The following NLN variants were observed in gnomAD, a reference collection of about 807,000 sequenced individuals.
NLN encodes neurolysin, mitochondrial.
Under a neutral mutation model 79.9 loss-of-function variants are expected in NLN, and 64 were observed. The observed-to-expected ratio is 0.80, with a 90% CI of 0.65 to 0.99. The LOEUF is 0.99. NLN is among the 50% of genes least tolerant of loss of function. NLN has a pLI of 0.00. For synonymous variants in NLN, 267 were observed against 296.6 expected, an observed-to-expected ratio of 0.90 and a Z score of 1.02; for missense variants, 835 against 858.7, an observed-to-expected ratio of 0.97 and a Z score of 0.34.
At position 65,823,208 on chromosome 5, in the gene NLN, A is replaced by G. The variant is rs536326630; in HGVS notation, c.*293A>G. ...TTGATTTTTTACTATTATAATCTAG[A>G]TAATATGATATAAGAGGGCTAAGAA... On this transcript the variant is annotated 3_prime_UTR_variant, in exon 13 of 13. Coordinates refer to ENST00000380985, the MANE Select transcript of NLN (RefSeq NM_020726.5). The G allele has an allele frequency of 3.8e-6, 1 of 259,896 alleles. No homozygotes were observed. Among genetic ancestry groups the G allele is most frequent in the African/African-American group, 2.3e-5 (1 of 44,182 alleles). The allele number at this position is 259,896 out of a possible 1,614,324, so 16.1% of individuals were successfully genotyped here.
chr5:65,766,399 G>A (rs919846381), intron 3 of NLN, among the ~76,000 whole-genome samples: 2 of 152,168 alleles, frequency 1.3e-5, no homozygotes, highest in Non-Finnish European at 2.9e-5. Context: ...GGAAGCACCA[G>A]ACACTTATCA....
chr5:65,817,708 T>C lies in NLN; in HGVS notation c.1981-5073T>C, dbSNP rs568070225. Among the ~76,000 whole-genome samples the C allele has an allele frequency of 1.6e-3, 245 of 152,294 alleles. 1 individual carries two copies. Among genetic ancestry groups the C allele is most frequent in the Non-Finnish European group, 3.0e-3 (201 of 68,026 alleles). ...TACTGAGAAATTCAAGAGAGTTAAGTGTAACTATATTTCAGTCTGTAATGC... is the reference window on the plus strand; with the variant it reads ...TACTGAGAAATTCAAGAGAGTTAAGCGTAACTATATTTCAGTCTGTAATGC... On this transcript the variant is annotated intron_variant, in intron 12 of 12. Coordinates refer to ENST00000380985, the MANE Select transcript of NLN (RefSeq NM_020726.5).
chr5:65,770,644 A>G (rs958530694), intron 3 of NLN, among the ~76,000 whole-genome samples: 2 of 152,180 alleles, frequency 1.3e-5, no homozygotes, highest in African/African-American at 4.8e-5. Context: ...CATTCTCCAC[A>G]ACCTAGCACA....
chr5:65,728,317 A>G (rs1452740745), intron 1 of NLN, among the ~76,000 whole-genome samples: 2 of 152,166 alleles, frequency 1.3e-5, no homozygotes, highest in African/African-American at 4.8e-5. Flanking sequence ...TAGCTATAAT[A>G]TATTCCTTTT....
At chr5:65,754,398 G>T (rs1759173402) in intron 1 of NLN, among the ~76,000 whole-genome samples, 1 of 152,128 alleles carries the variant, frequency 6.6e-6, no homozygotes, top group South Asian at 2.1e-4. Flanking sequence ...CTGAGGGTAG[G>T]GACAGCTACC....
rs1457636656 is a variant in NLN at position 65,823,266 on chromosome 5, T to G, written c.*351T>G. On this transcript the variant is annotated 3_prime_UTR_variant, in exon 13 of 13. Transcript: ENST00000380985. Reference sequence around the variant, plus strand: ...ATTGAATCATATATATGATATAATTTGATCCTTCTTGTATCTTGAAGTTTT... The same window carrying G: ...ATTGAATCATATATATGATATAATTGGATCCTTCTTGTATCTTGAAGTTTT... 5.9e-6 allele frequency: 1 copy of G among 170,218 alleles called. No individual in the cohort carries two copies. The highest frequency in any genetic ancestry group is 2.4e-5 in the African/African-American group (1 of 41,722). 10.5% of individuals were successfully genotyped at this position (170,218 alleles called of 1,614,324 possible). A position where few individuals can be genotyped will look rare whatever the true frequency, so the allele number is the denominator to read the frequency against.
intron 9 of NLN, among the ~76,000 whole-genome samples, chr5:65,807,110 GAGGTTAC>G (rs905391152): frequency 6.0e-5 from 9 of 151,208 alleles, no homozygotes; most frequent in African/African-American, 2.2e-4. Context: ...CCGGGAGGCA[GAGGTTAC>G]AGTGAGCTGA....
At chr5:65,782,220 G>GAGTAAAA (rs1759816133) in intron 6 of NLN, among the ~76,000 whole-genome samples, 1 of 152,112 alleles carries the variant, frequency 6.6e-6, no homozygotes, top group African/African-American at 2.4e-5. Context: ...CCCCAGTTTT[G>GAGTAAAA]CCCACAGGGA....
intron 4 of NLN, among the ~76,000 whole-genome samples, chr5:65,779,259 C>T (rs1164720854): frequency 6.6e-6 from 1 of 152,112 alleles, no homozygotes; most frequent in African/African-American, 2.4e-5. Context: ...TAACAACTTC[C>T]CTGGTGATGC....
At chr5:65,755,241 T>G (rs929062714) in intron 1 of NLN, among the ~76,000 whole-genome samples, 1 of 152,216 alleles carries the variant, frequency 6.6e-6, no homozygotes, top group Non-Finnish European at 1.5e-5. Flanking sequence ...ATAAATTTCT[T>G]ACATATTTTG....
intron 1 of NLN, among the ~76,000 whole-genome samples, chr5:65,737,380 C>G (rs969634355): frequency 6.6e-6 from 1 of 152,126 alleles, no homozygotes; most frequent in African/African-American, 2.4e-5. Context: ...CCCCCTGAAT[C>G]CTGTATTAAT....
At chr5:65,794,635 T>C (rs574532923) in intron 9 of NLN, among the ~76,000 whole-genome samples, 1 of 151,964 alleles carries the variant, frequency 6.6e-6, no homozygotes, top group Admixed American at 6.6e-5. Flanking sequence ...TGCAAAAATA[T>C]GTACAGTGGG....
intron 3 of NLN, among the ~76,000 whole-genome samples, chr5:65,775,480 C>T (rs1759659446): frequency 6.6e-6 from 1 of 152,152 alleles, no homozygotes; most frequent in Non-Finnish European, 1.5e-5. Flanking sequence ...CAGCTCTTGC[C>T]AGGCCCTTCT....
intron 3 of NLN, among the ~76,000 whole-genome samples, chr5:65,764,950 T>G (rs1208841949): frequency 6.6e-6 from 1 of 152,256 alleles, no homozygotes; most frequent in Non-Finnish European, 1.5e-5. Flanking sequence ...ATTAGTTCTC[T>G]GCTGGAGTTG....
Position 65,733,576 on chromosome 5 carries a change from G to C in NLN, c.41+11162G>C, listed in dbSNP as rs1248993873. ...GTCAGGGAAGTCAGGCAGCCCAAGA[G>C]GATCTTTTTTGGTCCCGTCCCCTGC... On this transcript the variant is annotated intron_variant, in intron 1 of 12. Coordinates refer to ENST00000380985, the MANE Select transcript of NLN (RefSeq NM_020726.5). The C allele has an allele frequency of 2.8e-5, 42 of 1,501,566 alleles. 3 individuals are homozygous for C. Among genetic ancestry groups the C allele is most frequent in the Non-Finnish European group, 3.7e-5 (41 of 1,094,020 alleles). 93.0% of individuals were successfully genotyped at this position (1,501,566 alleles called of 1,614,324 possible).
At chr5:65,776,087 T>C (rs979659889) in intron 3 of NLN, among the ~76,000 whole-genome samples, 5 of 152,094 alleles carry the variant, frequency 3.3e-5, no homozygotes, top group Non-Finnish European at 5.9e-5. Context: ...ACCCCGTCTC[T>C]ACTAAAAATG....
intron 1 of NLN, among the ~76,000 whole-genome samples, chr5:65,739,468 A>T (rs1758825582): frequency 6.6e-6 from 1 of 152,226 alleles, no homozygotes; most frequent in Admixed American, 6.5e-5. Context: ...AATAATATAT[A>T]GCAAACATGA....
chr5:65,729,463 C>T (rs1561175525), intron 1 of NLN, among the ~76,000 whole-genome samples: 1 of 149,778 alleles, frequency 6.7e-6, no homozygotes, highest in Non-Finnish European at 1.5e-5. Flanking sequence ...CAACCTCCGC[C>T]TCCTGGGTTC....
intron 8 of NLN, among the ~76,000 whole-genome samples, chr5:65,792,201 T>G (rs1410010013): frequency 6.6e-6 from 1 of 152,222 alleles, no homozygotes; most frequent in African/African-American, 2.4e-5. Flanking sequence ...CGGTGTGACA[T>G]GCATTCTTCA....
Sources: allele counts gnomAD v4.1 joint callset (sites outside exome capture counted in the v4.1 genomes callset), GRCh38; gene constraint gnomAD v4.1.1; transcripts MANE v1.5; gene names NCBI Gene and HGNC (gene_info 2026-07-23, HGNC 2026-07-21).